Variants in ARK2N observed in about 807,000 individuals in gnomAD.
ARK2N encodes arkadia (RNF111) N-terminal like PKA signaling regulator 2N.
chr18:46,250,720 G>T, the ARK2N span, among the ~76,000 whole-genome samples: 8 of 152,254 alleles, frequency 5.3e-5, no homozygotes, highest in East Asian at 1.4e-3. Context: ...AAATGGTTCA[G>T]TGGCTTCCTA....
the ARK2N span, among the ~76,000 whole-genome samples, chr18:46,251,571 G>T: frequency 6.6e-6 from 1 of 151,908 alleles, no homozygotes; most frequent in Non-Finnish European, 1.5e-5. Context: ...TTCAGTCGAA[G>T]AATAAAAGGT....
chr18:46,257,729 T>A, the ARK2N span, among the ~76,000 whole-genome samples: 2,930 of 152,152 alleles, frequency 0.019, 73 homozygotes, highest in African/African-American at 0.06. Flanking sequence ...GTAATTGCTC[T>A]AGGAAGAGGA....
At chr18:46,178,519 C>T in the ARK2N span, among the ~76,000 whole-genome samples, 1 of 152,172 alleles carries the variant, frequency 6.6e-6, no homozygotes, top group Admixed American at 6.5e-5. Context: ...CCATGTTGGC[C>T]AGGCTGGTCT....
chr18:46,204,609 A>C, the ARK2N span, among the ~76,000 whole-genome samples: 1 of 152,228 alleles, frequency 6.6e-6, no homozygotes, highest in Admixed American at 6.5e-5. Flanking sequence ...TGTAGACCGT[A>C]TTTGAGGCAT....
At chr18:46,214,284 C>T in the ARK2N span, among the ~76,000 whole-genome samples, 3 of 152,136 alleles carry the variant, frequency 2.0e-5, no homozygotes, top group African/African-American at 7.2e-5. Flanking sequence ...CATATTGCAC[C>T]TAGCATACCG....
the ARK2N span, among the ~76,000 whole-genome samples, chr18:46,236,177 G>A: frequency 3.6e-3 from 548 of 152,152 alleles, 2 homozygotes; most frequent in Non-Finnish European, 6.3e-3. Flanking sequence ...TTATTTTATC[G>A]TTATTATTTT....
the ARK2N span, among the ~76,000 whole-genome samples, chr18:46,210,764 G>A: frequency 6.6e-6 from 1 of 152,072 alleles, no homozygotes; most frequent in African/African-American, 2.4e-5. Flanking sequence ...ACAAAAATTA[G>A]CCAGGCATGG....
the ARK2N span, among the ~76,000 whole-genome samples, chr18:46,193,680 C>A: frequency 6.7e-6 from 1 of 148,736 alleles, no homozygotes; most frequent in Admixed American, 6.9e-5. Context: ...CTCACTGCAA[C>A]CTGCACTTCC....
the ARK2N span, among the ~76,000 whole-genome samples, chr18:46,193,591 GTT>G: frequency 1.3e-4 from 12 of 92,392 alleles, no homozygotes; most frequent in Non-Finnish European, 1.9e-4. Flanking sequence ...GCCCAGCCGG[GTT>G]TTTTTTTTTT....
the ARK2N span, among the ~76,000 whole-genome samples, chr18:46,215,545 G>A: frequency 2.4e-3 from 363 of 152,216 alleles, 3 homozygotes; most frequent in Middle Eastern, 0.017. Flanking sequence ...AAATAAAATT[G>A]TAAACTTGAA....
the ARK2N span, among the ~76,000 whole-genome samples, chr18:46,244,601 A>ATTTTT: frequency 2.0e-3 from 192 of 93,858 alleles, 14 homozygotes; most frequent in East Asian, 0.011. Flanking sequence ...AAGAGTTTAG[A>ATTTTT]TTTTTTTTTT....
the ARK2N span, among the ~76,000 whole-genome samples, chr18:46,200,920 C>T: frequency 6.6e-6 from 1 of 151,544 alleles, no homozygotes; most frequent in African/African-American, 2.4e-5. Flanking sequence ...TTCTGTGCTA[C>T]AAATACATGG....
chr18:46,242,064 C>T, the ARK2N span, among the ~76,000 whole-genome samples: 3 of 152,138 alleles, frequency 2.0e-5, no homozygotes, highest in Non-Finnish European at 4.4e-5. Context: ...CTGCCTTGGC[C>T]TCCCAAAGTG....
chr18:46,237,847 T>C, the ARK2N span, among the ~76,000 whole-genome samples: 1 of 152,242 alleles, frequency 6.6e-6, no homozygotes, highest in South Asian at 2.1e-4. Context: ...TATTGACTTG[T>C]CATTGTTTGA....
chr18:46,196,507 C>T, the ARK2N span, among the ~76,000 whole-genome samples: 9 of 152,026 alleles, frequency 5.9e-5, no homozygotes, highest in South Asian at 8.3e-4. Context: ...GTGATCCACC[C>T]GCCTCGGCCT....
At chr18:46,228,215 C>T in the ARK2N span, among the ~76,000 whole-genome samples, 1 of 152,100 alleles carries the variant, frequency 6.6e-6, no homozygotes, top group Admixed American at 6.5e-5. Context: ...CAGGGAAGTT[C>T]TGTCTTCACC....
At chr18:46,251,861 C>T in the ARK2N span, among the ~76,000 whole-genome samples, 1,129 of 152,228 alleles carry the variant, frequency 7.4e-3, 4 homozygotes, top group Admixed American at 0.012. Context: ...TCTGTAGCTT[C>T]CAAAAGGTTT....
chr18:46,178,598 C>A, the ARK2N span, among the ~76,000 whole-genome samples: 1 of 152,238 alleles, frequency 6.6e-6, no homozygotes, highest in African/African-American at 2.4e-5. Context: ...GCGGGAGCCA[C>A]CATGCCTGGC....
At chr18:46,211,311 G>A in the ARK2N span, among the ~76,000 whole-genome samples, 2 of 152,074 alleles carry the variant, frequency 1.3e-5, no homozygotes, top group South Asian at 4.2e-4. Context: ...TGGGCTCAAG[G>A]CATTCTCCTT....
Sources: allele counts gnomAD v4.1 joint callset (sites outside exome capture counted in the v4.1 genomes callset), GRCh38; gene constraint gnomAD v4.1.1; transcripts MANE v1.5; gene names NCBI Gene and HGNC (gene_info 2026-07-23, HGNC 2026-07-21).